DGKB: variants seen among roughly 807,000 people sequenced by gnomAD.
DGKB encodes the protein 90 kDa diacylglycerol kinase.
Under a neutral mutation model 114.3 loss-of-function variants are expected in DGKB, and 67 were observed. The ratio of observed to expected loss-of-function variants is 0.59; its 90% CI spans 0.48 to 0.72. The LOEUF is 0.72. Ranked by LOEUF, DGKB falls within the 30% of genes least tolerant of loss-of-function variation. The pLI, the probability that DGKB is intolerant of heterozygous loss-of-function variation, is 0.00. For missense variants in DGKB, 907 were observed against 975.2 expected (o/e 0.93, Z 0.93); for synonymous variants, 398 against 323.1 (o/e 1.23, Z -2.49).
chr7:14,321,278 G>C (rs1178990448), intron 23 of DGKB, among the ~76,000 whole-genome samples: 2 of 152,072 alleles, frequency 1.3e-5, no homozygotes, highest in Admixed American at 6.6e-5. Flanking sequence ...GCAACAGAGT[G>C]ATACCCTGTC....
At chr7:14,206,368 G>C (rs1786820859) in intron 23 of DGKB, among the ~76,000 whole-genome samples, 1 of 152,042 alleles carries the variant, frequency 6.6e-6, no homozygotes, top group South Asian at 2.1e-4. Context: ...AGGTGAACAA[G>C]GAGGTGATGG....
chr7:14,294,462 C>A (rs1404985701), intron 23 of DGKB, among the ~76,000 whole-genome samples: 1 of 152,076 alleles, frequency 6.6e-6, no homozygotes, highest in African/African-American at 2.4e-5. Context: ...CCAGTGATAG[C>A]CACTATGATA....
intron 23 of DGKB, among the ~76,000 whole-genome samples, chr7:14,321,718 G>T (rs1807853426): frequency 6.6e-6 from 1 of 151,988 alleles, no homozygotes; most frequent in Non-Finnish European, 1.5e-5. Flanking sequence ...TACAGTATTA[G>T]AATTGATAAG....
At chr7:14,361,519 T>C (rs1018355076) in intron 21 of DGKB, among the ~76,000 whole-genome samples, 1 of 151,966 alleles carries the variant, frequency 6.6e-6, no homozygotes, top group East Asian at 1.9e-4. Context: ...TTGTTGCCAG[T>C]CATGATGCTA....
At chr7:14,271,072 T>C (rs148379621) in intron 23 of DGKB, among the ~76,000 whole-genome samples, 189 of 152,322 alleles carry the variant, frequency 1.2e-3, no homozygotes, top group Middle Eastern at 6.8e-3. Context: ...TCTACAGAAA[T>C]ACAAGCTGTC....
chr7:14,184,042 T>C (rs1400730896), intron 23 of DGKB, among the ~76,000 whole-genome samples: 1 of 152,262 alleles, frequency 6.6e-6, no homozygotes, highest in African/African-American at 2.4e-5. Context: ...GACAGTCCAT[T>C]TGCAGGAGAA....
At chr7:14,386,965 A>G (rs1820440967) in intron 21 of DGKB, among the ~76,000 whole-genome samples, 1 of 152,072 alleles carries the variant, frequency 6.6e-6, no homozygotes, top group African/African-American at 2.4e-5. Context: ...TAGTCATTAA[A>G]ATATTAAGTA....
At chr7:14,304,046 AACACACACACACACACACACACACAC>A (rs773102280) in intron 23 of DGKB, among the ~76,000 whole-genome samples, 2 of 112,672 alleles carry the variant, frequency 1.8e-5, no homozygotes, top group Non-Finnish European at 3.5e-5. Context: ...GTTCTTATAG[AACACACACACACACACACACACACAC>A]ACACACACAC....
At chr7:14,374,846 C>G (rs1164926909) in intron 21 of DGKB, among the ~76,000 whole-genome samples, 2 of 152,152 alleles carry the variant, frequency 1.3e-5, no homozygotes, top group East Asian at 3.8e-4. Context: ...CTACCCCCAA[C>G]CTTGTCGTGA....
chr7:14,905,196 C>T (rs1783625204), upstream of DGKB, among the ~76,000 whole-genome samples: 1 of 147,816 alleles, frequency 6.8e-6, no homozygotes, highest in Non-Finnish European at 1.5e-5. Flanking sequence ...GGAAGAACTA[C>T]AAGATGTTAA....
In DGKB at chr7:14,796,675, C is replaced by G. The variant is rs548346298; in HGVS notation, c.71-38944G>C. ...ATGCTGAAGATATTTTACTTGTAAA[C>G]TTTCTAGAAAGTAAAAAAAAAAAAA... is the stretch of plus-strand genomic sequence containing the variant. On this transcript the variant is annotated intron_variant, in intron 2 of 25. Transcript: ENST00000402815. Among the ~76,000 whole-genome samples, 42 of 137,894 alleles carry G rather than the reference C, an allele frequency of 3.0e-4. No individual in the cohort carries two copies. The South Asian group carries it at 7.3e-3, about 24-fold the overall frequency. 90.5% of individuals were successfully genotyped at this position (137,894 alleles called of 152,430 possible).
intron 20 of DGKB, among the ~76,000 whole-genome samples, chr7:14,532,516 T>C: frequency 6.6e-6 from 1 of 151,472 alleles, no homozygotes; most frequent in South Asian, 2.1e-4. Context: ...AAATAAACTT[T>C]AAGTAAAAAT....
chr7:14,644,137 G>T (rs1198569745), intron 13 of DGKB, among the ~76,000 whole-genome samples: 1 of 151,166 alleles, frequency 6.6e-6, no homozygotes, highest in Non-Finnish European at 1.5e-5. Context: ...AAAATCATAT[G>T]GAGAATACAT....
intron 5 of DGKB, among the ~76,000 whole-genome samples, chr7:14,735,739 C>A (rs1349748860): frequency 2.0e-5 from 3 of 152,248 alleles, no homozygotes; most frequent in Admixed American, 2.0e-4. Context: ...ACTCAGCAAT[C>A]TATACGTATC....
At chr7:14,298,953 C>G (rs1803043638) in intron 23 of DGKB, among the ~76,000 whole-genome samples, 1 of 152,128 alleles carries the variant, frequency 6.6e-6, no homozygotes, top group African/African-American at 2.4e-5. Flanking sequence ...AGCTCATCAT[C>G]ACTGGTCATT....
At chr7:14,923,017 T>C (rs993279894) in intron 1 of DGKB, among the ~76,000 whole-genome samples, 3 of 152,184 alleles carry the variant, frequency 2.0e-5, no homozygotes, top group African/African-American at 7.2e-5. Context: ...CCATCCCTCC[T>C]TTTCCACCAC....
intron 17 of DGKB, among the ~76,000 whole-genome samples, chr7:14,606,017 C>A (rs1804439059): frequency 6.6e-6 from 1 of 152,080 alleles, no homozygotes; most frequent in East Asian, 1.9e-4. Flanking sequence ...CTATGAAATA[C>A]AGGAAAATCC....
rs1275732852 is a variant in DGKB at position 14,857,844 on chromosome 7, C to T, written c.-187-16394G>A. On this transcript the variant is annotated intron_variant, in intron 1 of 25. Coordinates refer to ENST00000402815, the MANE Select transcript of DGKB (RefSeq NM_001350709.2). ...TTTACTTTATTTAAATGTATCAATA[C>T]ATATTTTATAATTTATTATACACTT... is the stretch of plus-strand genomic sequence containing the variant. Among the ~76,000 whole-genome samples, 10 of 152,078 alleles carry T rather than the reference C, an allele frequency of 6.6e-5. No individual in the cohort carries two copies. The South Asian group carries it at 1.5e-3, about 22-fold the overall frequency.
At chr7:14,258,216 C>T (rs1380276481) in intron 23 of DGKB, among the ~76,000 whole-genome samples, 1 of 151,992 alleles carries the variant, frequency 6.6e-6, no homozygotes. Context: ...TTTGTGATAC[C>T]ATGTATTCAA....
Sources: allele counts gnomAD v4.1 joint callset (sites outside exome capture counted in the v4.1 genomes callset), GRCh38; gene constraint gnomAD v4.1.1; transcripts MANE v1.5; gene names NCBI Gene and HGNC (gene_info 2026-07-23, HGNC 2026-07-21).